The following ATP5PD variants were observed in gnomAD, a reference collection of about 807,000 sequenced individuals.
ATP5PD encodes the protein ATP synthase peripheral stalk subunit d.
ATP5PD carries 13 observed loss-of-function variants against 22.6 expected under a neutral mutation model. That is an observed-to-expected ratio of 0.58 (90% CI 0.37 to 0.91). The LOEUF (loss-of-function observed/expected upper bound fraction) is 0.91. ATP5PD is among the 40% of genes least tolerant of loss of function. The pLI, the probability that ATP5PD is intolerant of heterozygous loss-of-function variation, is 0.00. For missense variants in ATP5PD, 165 were observed against 188.0 expected, an observed-to-expected ratio of 0.88 and a Z score of 0.72; for synonymous variants, 51 against 65.0, an observed-to-expected ratio of 0.79 and a Z score of 1.03.
chr17:75,043,424 C>A (rs2073180266), intron 1 of ATP5PD, among the ~76,000 whole-genome samples: 1 of 152,136 alleles, frequency 6.6e-6, no homozygotes, highest in African/African-American at 2.4e-5. Flanking sequence ...CCAGCCTGAG[C>A]AATAGGGTGA....
Position 75,038,945 on chromosome 17 carries a change from A to C in ATP5PD, c.473T>G (p.Ile158Ser). ...CTGGACTCAATTTTATAAATTCTCAATTGGTTGGTGAGGCCAATAGGGATA... is the reference window on the plus strand; with the variant it reads ...CTGGACTCAATTTTATAAATTCTCACTTGGTTGGTGAGGCCAATAGGGATA... ...KKYPYWPHQPIENL is the reference protein window; with the variant it reads ...KKYPYWPHQPSENL Residue 158 changes from isoleucine (I) to serine (S), a missense_variant, in exon 6 of 6, where the codon ATT becomes AGT. Coordinates refer to ENST00000301587, the MANE Select transcript of ATP5PD (RefSeq NM_006356.3). 1.2e-6 allele frequency: 2 copies of C among 1,612,924 alleles called. No individual in the cohort carries two copies. The highest frequency in any genetic ancestry group is 1.7e-6 in the Non-Finnish European group (2 of 1,179,660).
intron 5 of ATP5PD, 65 bp from the exon 6 acceptor site, chr17:75,039,128 G>T: frequency 1.1e-5 from 17 of 1,611,944 alleles, no homozygotes; most frequent in Non-Finnish European, 1.4e-5. Flanking sequence ...ATCCAAGGCA[G>T]GTTCCTGCCA....
intron 1 of ATP5PD, among the ~76,000 whole-genome samples, chr17:75,043,215 C>T (rs1351015578): frequency 1.3e-5 from 2 of 151,990 alleles, no homozygotes; most frequent in African/African-American, 4.8e-5. Flanking sequence ...AGCAAGAGTC[C>T]GTCTCAAAAA....
intron 1 of ATP5PD, among the ~76,000 whole-genome samples, chr17:75,045,823 T>C (rs2073209288): frequency 6.6e-6 from 1 of 152,174 alleles, no homozygotes; most frequent in Non-Finnish European, 1.5e-5. Context: ...GATTAAGAGA[T>C]TAAAGACAAG....
chr17:75,046,611 T>A (rs926016104), intron 1 of ATP5PD, among the ~76,000 whole-genome samples: 1 of 152,182 alleles, frequency 6.6e-6, no homozygotes, highest in African/African-American at 2.4e-5. Context: ...GCGTAATGTT[T>A]CCCCAGTCCC....
At chr17:75,040,055 G>C (rs2073143224) in intron 4 of ATP5PD, 37 bp downstream of exon 4, 9 of 1,609,494 alleles carry the variant, frequency 5.6e-6, no homozygotes, top group Non-Finnish European at 7.7e-6. Flanking sequence ...TCAAGATCAA[G>C]AGAATTTTAG....
intron 3 of ATP5PD, 50 bp from the exon 4 acceptor site, chr17:75,040,213 A>C (rs1202465663): frequency 6.2e-7 from 1 of 1,608,960 alleles, no homozygotes; most frequent in South Asian, 1.1e-5. Context: ...CTACAAACAC[A>C]AGGACAGTGA....
chr17:75,041,832 TCAC>T (rs1385794177), intron 3 of ATP5PD: 1 of 185,924 alleles, frequency 5.4e-6, no homozygotes, highest in Non-Finnish European at 1.1e-5. Context: ...TCGGGTGTCT[TCAC>T]CAAGTTCAGC....
Position 75,038,918 on chromosome 17 carries a change from T to C in ATP5PD, c.*14A>G. 6.2e-7 allele frequency: 1 copy of C among 1,611,914 alleles called. No homozygotes were observed. Among genetic ancestry groups the C allele is most frequent in the South Asian group, 1.1e-5 (1 of 90,688 alleles). On this transcript the variant is annotated 3_prime_UTR_variant, in exon 6 of 6. Transcript: ENST00000301587. The stretch of plus-strand genomic sequence containing the variant: ...GTGTAATACAAGGGCCAGAGCTTCC[T>C]CCTGGACTCAATTTTATAAATTCTC...
At chr17:75,039,896 CTTCT>C (rs1332310938) in intron 4 of ATP5PD, 192 bp downstream of exon 4, 27 of 639,650 alleles carry the variant, frequency 4.2e-5, no homozygotes, top group Middle Eastern at 3.9e-4. Context: ...ATGCTATACT[CTTCT>C]TTTTCTTGTT....
intron 1 of ATP5PD, among the ~76,000 whole-genome samples, chr17:75,045,078 AAG>A (rs2073199723): frequency 6.6e-6 from 1 of 152,188 alleles, no homozygotes; most frequent in Admixed American, 6.5e-5. Flanking sequence ...CAGAGTACAA[AAG>A]AGAGAAATTT....
intron 1 of ATP5PD, among the ~76,000 whole-genome samples, chr17:75,044,023 C>CTTT (rs11312083): frequency 7.8e-6 from 1 of 127,706 alleles, no homozygotes. Context: ...ACGTTGTGCA[C>CTTT]TTTTTTTTTT....
chr17:75,042,742 G>T, intron 1 of ATP5PD, 83 bp from the exon 2 acceptor site: 2 of 1,336,104 alleles, frequency 1.5e-6, no homozygotes, highest in Non-Finnish European at 1.0e-6. Flanking sequence ...CAAAATAAGA[G>T]CTCTTAGAGA....
chr17:75,040,960 A>G (rs1021269331), intron 3 of ATP5PD: 8 of 152,098 alleles, frequency 5.3e-5, no homozygotes, highest in Admixed American at 4.6e-4. Flanking sequence ...TAGGCCCTCC[A>G]TACACATCTT....
intron 1 of ATP5PD, among the ~76,000 whole-genome samples, chr17:75,045,369 G>C (rs906050302): frequency 2.0e-5 from 3 of 152,184 alleles, no homozygotes; most frequent in Non-Finnish European, 4.4e-5. Flanking sequence ...CAGGAGACAG[G>C]GTTTTCAGAT....
At chr17:75,043,986 C>T (rs887929373) in intron 1 of ATP5PD, among the ~76,000 whole-genome samples, 38 of 151,358 alleles carry the variant, frequency 2.5e-4, no homozygotes, top group African/African-American at 8.5e-4. Flanking sequence ...TTATTCACAT[C>T]GGATTATACC....
intron 1 of ATP5PD, among the ~76,000 whole-genome samples, chr17:75,046,366 G>T (rs1305246901): frequency 1.3e-5 from 2 of 152,228 alleles, no homozygotes; most frequent in Non-Finnish European, 2.9e-5. Context: ...ACAGGCGTGA[G>T]CCACCGCGCC....
At chr17:75,044,883 T>C (rs1330905850) in intron 1 of ATP5PD, among the ~76,000 whole-genome samples, 3 of 152,196 alleles carry the variant, frequency 2.0e-5, no homozygotes, top group Non-Finnish European at 4.4e-5. Context: ...CTGTCCTTCC[T>C]TTCTTTCTCA....
At chr17:75,042,434 A>C (rs1159678185) in intron 2 of ATP5PD, 95 bp downstream of exon 2, 9 of 1,543,168 alleles carry the variant, frequency 5.8e-6, no homozygotes, top group Non-Finnish European at 7.9e-6. Flanking sequence ...ATATGTTGTC[A>C]TAAGGGCATC....
Sources: gnomAD v4.1 joint callset for allele counts (sites outside exome capture counted in the v4.1 genomes callset) on GRCh38, gnomAD v4.1.1 for gene constraint, MANE v1.5 for transcripts, NCBI Gene and HGNC (gene_info 2026-07-23, HGNC 2026-07-21) for gene names.